Variants in SEBOX observed in about 807,000 individuals in gnomAD.
SEBOX encodes homeobox protein SEBOX.
In SEBOX, 10 loss-of-function variants were observed where a neutral mutation model predicts 7.8. The observed-to-expected ratio is 1.28, with a 90% CI of 0.79 to 2.17. The LOEUF is 2.17. SEBOX is among the 30% of genes most tolerant of loss of function. The pLI is 0.00. For missense variants in SEBOX, 240 were observed against 239.5 expected, an observed-to-expected ratio of 1.00 and a Z score of -0.01; for synonymous variants, 98 against 91.5, an observed-to-expected ratio of 1.07 and a Z score of -0.40.
Position 28,365,120 on chromosome 17 carries a change from C to G in SEBOX, c.31+1G>C. On this transcript the variant is annotated splice_donor_variant, in intron 1 of 2. Transcript: ENST00000536498. LOFTEE classifies it high-confidence loss of function. ...TGCCCACACTTCCCCCATCAGATCACCTGCTGAGGATGCATCCACAGGGCT... is the reference window on the plus strand; with the variant it reads ...TGCCCACACTTCCCCCATCAGATCAGCTGCTGAGGATGCATCCACAGGGCT... 6.2e-7 allele frequency: 1 copy of G among 1,607,080 alleles called. No homozygotes were observed. The highest frequency in any genetic ancestry group is 8.5e-7 in the Non-Finnish European group (1 of 1,175,692).
chr17:28,364,676 C>T, intron 2 of SEBOX, 28 bp from the exon 3 acceptor site: 10 of 1,566,070 alleles, frequency 6.4e-6, no homozygotes, highest in Non-Finnish European at 7.8e-6. Context: ...GGGGTCTGTT[C>T]TGGCCCCAGC....
In SEBOX at chr17:28,364,480, G is replaced by T. The variant is rs782063205; in HGVS notation, c.361C>A (p.Arg121Ser). The T allele has an allele frequency of 1.9e-6, 3 of 1,608,812 alleles. No homozygotes were observed. Among genetic ancestry groups the T allele is most frequent in the Non-Finnish European group, 2.5e-6 (3 of 1,176,660 alleles). ...QPPPSSGTPQ[R>S]TSVCRHSSCP... is the part of the protein sequence containing the mutation. Reference sequence around the variant, plus strand: ...GAGCTATGTCGACACACTGAGGTGCGCTGAGGTGTGCCGCTGGAGGGTGGA... The same window carrying T: ...GAGCTATGTCGACACACTGAGGTGCTCTGAGGTGTGCCGCTGGAGGGTGGA... Residue 121 changes from arginine to serine, a missense_variant, in exon 3 of 3, where the codon CGC (arginine) becomes AGC (serine). Coordinates refer to ENST00000536498, the MANE Select transcript of SEBOX (RefSeq NM_001080837.4).
chr17:28,364,840 A>T lies in SEBOX; in HGVS notation c.147T>A (p.His49Gln). 6.2e-7 allele frequency: 1 copy of T among 1,613,884 alleles called. No individual in the cohort carries two copies. The highest frequency in any genetic ancestry group is 8.5e-7 in the Non-Finnish European group (1 of 1,179,842). The change falls in exon 2 of 3, where the codon CAT becomes CAA. Residue 49 changes from histidine (H) to glutamine (Q), a missense_variant. His to Gln is a conservative substitution (Grantham distance 24). Coordinates refer to ENST00000536498, the MANE Select transcript of SEBOX (RefSeq NM_001080837.4). The stretch of plus-strand genomic sequence containing the variant: ...GGCAAGTGACCCAGGCCAGGTGCTC[A>T]TGGGTGCTGATGTTGGGGTAGGGCC... ...AAWPYPNIST[H>Q]EHLAWVTCLP...
chr17:28,364,075 C>G lies in SEBOX; in HGVS notation c.*193G>C, dbSNP rs1165062873. The stretch of plus-strand genomic sequence containing the variant: ...GTGGCAGGAGCCAGGCCCCAGTCTG[C>G]TTAGGACCTGCATCTAGGCTGGCCT... On this transcript the variant is annotated 3_prime_UTR_variant, in exon 3 of 3. Coordinates refer to ENST00000536498, the MANE Select transcript of SEBOX (RefSeq NM_001080837.4). Among the ~76,000 whole-genome samples the G allele has an allele frequency of 1.3e-5, 2 of 152,186 alleles. No homozygotes were observed. The highest frequency in any genetic ancestry group is 1.3e-4 in the Admixed American group (2 of 15,284).
In SEBOX at chr17:28,364,816, G is replaced by T. The variant is rs781852117; in HGVS notation, c.171C>A (p.Cys57Ter). The T allele has an allele frequency of 1.2e-6, 2 of 1,613,880 alleles. No homozygotes were observed. Among genetic ancestry groups the T allele is most frequent in the Non-Finnish European group, 1.7e-6 (2 of 1,179,846 alleles). The change falls in exon 2 of 3, where the codon TGC (cysteine) becomes TGA (stop). Residue 57 changes from cysteine (C) to a stop codon, truncating the protein, a stop_gained. Coordinates refer to ENST00000536498, the MANE Select transcript of SEBOX (RefSeq NM_001080837.4). LOFTEE classifies it low-confidence loss of function (END_TRUNC). ...TCACCTGTACCTTGGCCTCAGGAAG[G>T]CAAGTGACCCAGGCCAGGTGCTCAT... The part of the protein sequence containing the change: ...STHEHLAWVT[C>*]LPEAKVQVWF...
At position 28,364,508 on chromosome 17, in the gene SEBOX, T is replaced by G. The variant is rs781821422; in HGVS notation, c.333A>C (p.Gln111His). The G allele has an allele frequency of 6.2e-7, 1 of 1,605,914 alleles. No homozygotes were observed. The highest frequency in any genetic ancestry group is 8.5e-7 in the Non-Finnish European group (1 of 1,174,264). The change falls in exon 3 of 3, where the codon CAA (glutamine) becomes CAC (histidine). Residue 111 changes from glutamine to histidine, a missense_variant. By Grantham distance (24) the Gln-to-His change is conservative (BLOSUM62 0). Transcript: ENST00000536498. The part of the protein sequence containing the change: ...QQPWDPQMPG[Q>H]PPPSSGTPQR... ...GAGGTGTGCCGCTGGAGGGTGGAGG[T>G]TGGCCTGGCATTTGGGGATCCCAGG... is the stretch of plus-strand genomic sequence containing the variant.
In SEBOX at chr17:28,364,880, C is replaced by T; in HGVS notation, c.107G>A (p.Arg36Lys). The T allele has an allele frequency of 1.2e-6, 2 of 1,613,916 alleles. No homozygotes were observed. The highest frequency in any genetic ancestry group is 1.7e-6 in the Non-Finnish European group (2 of 1,179,862). The change falls in exon 2 of 3, where the codon AGG becomes AAG. Residue 36 changes from arginine to lysine, a missense_variant. Coordinates refer to ENST00000536498, the MANE Select transcript of SEBOX (RefSeq NM_001080837.4). ...FSKGQLLELERAFAAWPYPNI... is the reference protein window; with the variant it reads ...FSKGQLLELEKAFAAWPYPNI... ...GGGGTAGGGCCATGCTGCAAACGCC[C>T]TCTCCAGCTCCAGTAGCTGCCCTTT...
rs528785239 is a variant in SEBOX, at chr17:28,364,909, G to C, written c.78C>G (p.Phe26Leu). 6.2e-7 allele frequency: 1 copy of C among 1,613,678 alleles called. No individual in the cohort carries two copies. The highest frequency in any genetic ancestry group is 1.1e-5 in the South Asian group (1 of 91,020). Residue 26 changes from phenylalanine (F) to leucine (L), a missense_variant, in exon 2 of 3, where the codon TTC becomes TTG. Transcript: ENST00000536498. Reference protein sequence around the residue: ...LGSHRRKRTTFSKGQLLELER... With the variant: ...LGSHRRKRTTLSKGQLLELER... ...CCAGCTCCAGTAGCTGCCCTTTGCTGAAGGTGGTCCGCTTTCTCCGGTGGG... is the reference window on the plus strand; with the variant it reads ...CCAGCTCCAGTAGCTGCCCTTTGCTCAAGGTGGTCCGCTTTCTCCGGTGGG...
rs1555582785 is a variant in SEBOX, at chr17:28,364,906, GC to G, written c.80del (p.Ser27ThrfsTer48). 9 of 1,613,728 alleles carry G rather than the reference GC, an allele frequency of 5.6e-6. No homozygotes were observed. The highest frequency in any genetic ancestry group is 7.6e-6 in the Non-Finnish European group (9 of 1,179,802). The stretch of plus-strand genomic sequence containing the variant: ...TCTCCAGCTCCAGTAGCTGCCCTTT[GC>G]TGAAGGTGGTCCGCTTTCTCCGGTG... ...GSHRRKRTTF[S>X]KGQLLELERA... On this transcript the variant is annotated frameshift_variant, in exon 2 of 3. Transcript: ENST00000536498. LOFTEE classifies it high-confidence loss of function.
Position 28,363,596 on chromosome 17 carries a change from A to C in SEBOX, c.*672T>G, listed in dbSNP as rs146597515. On this transcript the variant is annotated 3_prime_UTR_variant, in exon 3 of 3. Transcript: ENST00000536498. ...ACCCAATGCTGCTATACCTGCCTCCATCCCAGATCTGTCAGGTTGTCTCCA... is the reference window on the plus strand; with the variant it reads ...ACCCAATGCTGCTATACCTGCCTCCCTCCCAGATCTGTCAGGTTGTCTCCA... 132 of 152,358 alleles carry C rather than the reference A, an allele frequency of 8.7e-4. No individual in the cohort carries two copies. Among genetic ancestry groups the C allele is most frequent in the African/African-American group, 3.0e-3 (125 of 41,582 alleles). The allele number at this position is 152,358 out of a possible 1,614,324, so 9.4% of individuals were successfully genotyped here.
chr17:28,364,503 G>C lies in SEBOX; in HGVS notation c.338C>G (p.Pro113Arg), dbSNP rs2067892023. 1 of 1,607,190 alleles carries C rather than the reference G, an allele frequency of 6.2e-7. No homozygotes were observed. The highest frequency in any genetic ancestry group is 1.3e-5 in the African/African-American group (1 of 74,782). Residue 113 changes from proline (P) to arginine (R), a missense_variant, in exon 3 of 3, where the codon CCA becomes CGA. Pro to Arg is a moderately radical substitution (Grantham distance 103, BLOSUM62 -2). Coordinates refer to ENST00000536498, the MANE Select transcript of SEBOX (RefSeq NM_001080837.4). ...PWDPQMPGQP[P>R]PSSGTPQRTS... is the part of the protein sequence containing the mutation. ...GCGCTGAGGTGTGCCGCTGGAGGGT[G>C]GAGGTTGGCCTGGCATTTGGGGATC...
In SEBOX at chr17:28,364,305, T is replaced by C. The variant is rs1555582621; in HGVS notation, c.536A>G (p.Tyr179Cys). Residue 179 changes from tyrosine (Y) to cysteine (C), a missense_variant, in exon 3 of 3, where the codon TAT (tyrosine) becomes TGT (cysteine). By Grantham distance (194) the Tyr-to-Cys change is radical. Transcript: ENST00000536498. ...TSLGSLSDLI[Y>C]ALAIVVNVDH... The stretch of plus-strand genomic sequence containing the variant: ...CACATTGACGACAATGGCCAAGGCA[T>C]AGATGAGGTCAGACAGGCTGCCTAG... The C allele has an allele frequency of 1.9e-6, 3 of 1,606,216 alleles. No individual in the cohort carries two copies. Among genetic ancestry groups the C allele is most frequent in the Non-Finnish European group, 2.6e-6 (3 of 1,176,440 alleles).
At position 28,364,178 on chromosome 17, in the gene SEBOX, A is replaced by G; in HGVS notation, c.*90T>C. ...ATCCCTTTGCATAAAAAGTGGGGCC[A>G]GGGAATCCACTTCTGATGTGTTCAA... On this transcript the variant is annotated 3_prime_UTR_variant, in exon 3 of 3. Transcript: ENST00000536498. 5 of 1,266,804 alleles carry G rather than the reference A, an allele frequency of 3.9e-6. No homozygotes were observed. Among genetic ancestry groups the G allele is most frequent in the Non-Finnish European group, 4.3e-6 (4 of 928,904 alleles). 78.5% of individuals were successfully genotyped at this position (1,266,804 alleles called of 1,614,324 possible).
In SEBOX at chr17:28,363,756, G is replaced by A. The variant is rs1285833360; in HGVS notation, c.*512C>T. 3 of 152,532 alleles carry A rather than the reference G, an allele frequency of 2.0e-5. No individual in the cohort carries two copies. In the East Asian group the frequency reaches 5.8e-4, roughly 29 times the overall value. The allele number at this position is 152,532 out of a possible 1,614,324, so 9.4% of individuals were successfully genotyped here. The stretch of plus-strand genomic sequence containing the variant: ...CCGTAGTTCTGATTAATTTGTCCAG[G>A]TGGTCGATGGTCAAGAGAGGGGGCC... On this transcript the variant is annotated 3_prime_UTR_variant, in exon 3 of 3. Transcript: ENST00000536498.
At position 28,364,652 on chromosome 17, in the gene SEBOX, C is replaced by T. The variant is rs782079699; in HGVS notation, c.193-4G>A. On this transcript the variant is annotated splice_polypyrimidine_tract_variant and splice_region_variant and intron_variant, in intron 2 of 2. Coordinates refer to ENST00000536498, the MANE Select transcript of SEBOX (RefSeq NM_001080837.4). ...CCCAGCGCTTCTGGAACCACACCTG[C>T]TAGGAAAGAAGAAGGGGTCTGTTCT... is the stretch of plus-strand genomic sequence containing the variant. The T allele has an allele frequency of 1.9e-6, 3 of 1,545,310 alleles. No homozygotes were observed. Among genetic ancestry groups the T allele is most frequent in the Non-Finnish European group, 2.6e-6 (3 of 1,149,324 alleles).
In SEBOX at chr17:28,364,208, A is replaced by G. The variant is rs920471640; in HGVS notation, c.*60T>C. The G allele has an allele frequency of 8.5e-5, 127 of 1,502,572 alleles. No homozygotes were observed. Among genetic ancestry groups the G allele is most frequent in the Middle Eastern group, 7.3e-4 (4 of 5,492 alleles). The allele number at this position is 1,502,572 out of a possible 1,614,324, so 93.1% of individuals were successfully genotyped here. ...ATCCACTTCTGATGTGTTCAATCCC[A>G]GGAGGGGCAGGGTGGGCCACAGGAG... On this transcript the variant is annotated 3_prime_UTR_variant, in exon 3 of 3. Transcript: ENST00000536498.
At position 28,364,172 on chromosome 17, in the gene SEBOX, G is replaced by A; in HGVS notation, c.*96C>T. On this transcript the variant is annotated 3_prime_UTR_variant, in exon 3 of 3. Transcript: ENST00000536498. ...TAGGGAATCCCTTTGCATAAAAAGT[G>A]GGGCCAGGGAATCCACTTCTGATGT... The A allele has an allele frequency of 8.3e-7, 1 of 1,201,442 alleles. No individual in the cohort carries two copies. 74.4% of individuals were successfully genotyped at this position (1,201,442 alleles called of 1,614,324 possible).
In SEBOX at chr17:28,364,904, T is replaced by C. The variant is rs199807051; in HGVS notation, c.83A>G (p.Lys28Arg). ...SHRRKRTTFS[K>R]GQLLELERAF... ...CCTCTCCAGCTCCAGTAGCTGCCCTTTGCTGAAGGTGGTCCGCTTTCTCCG... is the reference window on the plus strand; with the variant it reads ...CCTCTCCAGCTCCAGTAGCTGCCCTCTGCTGAAGGTGGTCCGCTTTCTCCG... Residue 28 changes from lysine to arginine, a missense_variant, in exon 2 of 3, where the codon AAA (lysine) becomes AGA (arginine). By Grantham distance (26) the Lys-to-Arg change is conservative (BLOSUM62 2). Coordinates refer to ENST00000536498, the MANE Select transcript of SEBOX (RefSeq NM_001080837.4). 161 of 1,613,678 alleles carry C rather than the reference T, an allele frequency of 1.0e-4. 2 individuals are homozygous for C. The African/African-American group carries it at 1.9e-3, about 20-fold the overall frequency.
Position 28,364,612 on chromosome 17 carries a change from T to G in SEBOX, c.229A>C (p.Asn77His), listed in dbSNP as rs782663358. ...FQKRWAKIIKNRKSGILSPGS... is the reference protein window; with the variant it reads ...FQKRWAKIIKHRKSGILSPGS... ...GGGCTTAGAATTCCTGACTTCCTGTTCTTGATTATTTTGGCCCAGCGCTTC... is the reference window on the plus strand; with the variant it reads ...GGGCTTAGAATTCCTGACTTCCTGTGCTTGATTATTTTGGCCCAGCGCTTC... The change falls in exon 3 of 3, where the codon AAC becomes CAC. Residue 77 changes from asparagine (N) to histidine (H), a missense_variant. Physicochemically the swap from Asn to His is moderately conservative, Grantham distance 68 (BLOSUM62 1). Coordinates refer to ENST00000536498, the MANE Select transcript of SEBOX (RefSeq NM_001080837.4). 5.2e-6 allele frequency: 8 copies of G among 1,546,246 alleles called. No individual in the cohort carries two copies. In the South Asian group the frequency reaches 1.0e-4, roughly 20 times the overall value.
Sources: gnomAD v4.1 joint callset for allele counts (sites outside exome capture counted in the v4.1 genomes callset) on GRCh38, gnomAD v4.1.1 for gene constraint, MANE v1.5 for transcripts, NCBI Gene and HGNC (gene_info 2026-07-23, HGNC 2026-07-21) for gene names.